The following RSPO2 variants were observed in gnomAD, a reference collection of about 807,000 sequenced individuals.
RSPO2 encodes R-spondin 2, also known as R-spondin-2.
A neutral mutation model predicts 30.9 loss-of-function variants in RSPO2; 14 were observed. That is an observed-to-expected ratio of 0.45 (90% CI 0.30 to 0.71). The LOEUF is 0.71. Among genes scored for constraint, RSPO2 ranks in the 30% least tolerant of loss-of-function variants. The pLI is 0.08. For missense variants in RSPO2, 264 were observed against 301.9 expected, an observed-to-expected ratio of 0.87 and a Z score of 0.93; for synonymous variants, 107 against 96.4, an observed-to-expected ratio of 1.11 and a Z score of -0.64.
At position 107,989,267 on chromosome 8, in the gene RSPO2, G is replaced by A. The variant is rs371386410; in HGVS notation, c.95-23C>T. ...TAGCTGTAAAAGAAAAACAAAAATT[G>A]TGTTTAATTATCAGTATAATCAGAT... is the stretch of plus-strand genomic sequence containing the variant. On this transcript the variant is annotated intron_variant, in intron 2 of 5. Coordinates refer to ENST00000276659, the MANE Select transcript of RSPO2 (RefSeq NM_178565.5). The A allele has an allele frequency of 7.5e-5, 112 of 1,502,372 alleles. No homozygotes were observed. The African/African-American group carries it at 1.1e-3, about 15-fold the overall frequency. 93.1% of individuals were successfully genotyped at this position (1,502,372 alleles called of 1,614,324 possible). A position where few individuals can be genotyped will look rare whatever the true frequency, so the allele number is the denominator to read the frequency against.
intron 5 of RSPO2, among the ~76,000 whole-genome samples, chr8:107,944,551 T>C (rs1198520805): frequency 1.3e-5 from 2 of 152,166 alleles, no homozygotes; most frequent in Non-Finnish European, 2.9e-5. Flanking sequence ...ACCACAGTTC[T>C]TCTATACCAT....
At chr8:108,065,175 A>G (rs1418538587) in intron 2 of RSPO2, among the ~76,000 whole-genome samples, 1 of 151,968 alleles carries the variant, frequency 6.6e-6, no homozygotes, top group East Asian at 1.9e-4. Flanking sequence ...TATAAGTTAA[A>G]AAAAAAAGAG....
At chr8:108,040,700 C>T (rs141976069) in intron 2 of RSPO2, among the ~76,000 whole-genome samples, 211 of 152,198 alleles carry the variant, frequency 1.4e-3, no homozygotes, top group Middle Eastern at 0.014. Flanking sequence ...AGGAAGGGGG[C>T]TGACAAATAC....
intron 2 of RSPO2, among the ~76,000 whole-genome samples, chr8:108,076,288 G>T (rs902596466): frequency 1.3e-5 from 2 of 152,202 alleles, no homozygotes; most frequent in African/African-American, 4.8e-5. Context: ...TATAGAAAAG[G>T]CTGGTGTTTA....
chr8:108,006,294 G>A (rs1303337216), intron 2 of RSPO2, among the ~76,000 whole-genome samples: 4 of 152,006 alleles, frequency 2.6e-5, no homozygotes, highest in African/African-American at 9.7e-5. Flanking sequence ...ATGTACAAAA[G>A]GATATATTCA....
intron 5 of RSPO2, among the ~76,000 whole-genome samples, chr8:107,932,739 G>A (rs1812589021): frequency 6.6e-6 from 1 of 152,042 alleles, no homozygotes; most frequent in African/African-American, 2.4e-5. Context: ...CTGTCATAAA[G>A]AGAAAACAAC....
intron 5 of RSPO2, among the ~76,000 whole-genome samples, chr8:107,937,920 T>C (rs1409667259): frequency 6.6e-6 from 1 of 152,136 alleles, no homozygotes; most frequent in Non-Finnish European, 1.5e-5. Context: ...AATTTGCTCA[T>C]ATACACACAC....
intron 2 of RSPO2, among the ~76,000 whole-genome samples, chr8:108,012,117 A>G (rs1338032178): frequency 6.6e-6 from 1 of 152,220 alleles, no homozygotes; most frequent in Non-Finnish European, 1.5e-5. Context: ...TCCTGCTCAT[A>G]TAAATAATTT....
intron 5 of RSPO2, among the ~76,000 whole-genome samples, chr8:107,905,933 G>A (rs1365627698): frequency 6.6e-6 from 1 of 151,712 alleles, no homozygotes; most frequent in Admixed American, 6.6e-5. Flanking sequence ...ATTCATAAAG[G>A]AAATAAAAAT....
At chr8:107,956,393 A>G (rs1813435230) in intron 5 of RSPO2, among the ~76,000 whole-genome samples, 1 of 152,244 alleles carries the variant, frequency 6.6e-6, no homozygotes, top group Admixed American at 6.5e-5. Context: ...TGGCTTGTCA[A>G]AAAGAGAATA....
intron 5 of RSPO2, among the ~76,000 whole-genome samples, chr8:107,902,744 G>A (rs1811518296): frequency 6.6e-6 from 1 of 152,032 alleles, no homozygotes; most frequent in Non-Finnish European, 1.5e-5. Flanking sequence ...CATTTGCTGA[G>A]CAAATGTTTT....
At chr8:108,036,635 T>G (rs1158412917) in intron 2 of RSPO2, among the ~76,000 whole-genome samples, 1 of 152,230 alleles carries the variant, frequency 6.6e-6, no homozygotes, top group African/African-American at 2.4e-5. Context: ...CTCATTTTCT[T>G]GCATTTCACT....
chr8:107,945,597 G>C (rs497384), intron 5 of RSPO2, among the ~76,000 whole-genome samples: 101,642 of 152,014 alleles, frequency 0.67, 35,893 homozygotes, highest in East Asian at 0.92. Flanking sequence ...CTTTTGCTAC[G>C]TAACACATGC....
intron 2 of RSPO2, among the ~76,000 whole-genome samples, chr8:107,998,256 T>C (rs1342963080): frequency 2.0e-5 from 3 of 151,698 alleles, no homozygotes; most frequent in African/African-American, 7.3e-5. Flanking sequence ...AACCCAACTC[T>C]GGCACCAATA....
In RSPO2 at chr8:108,042,521, T is replaced by C. The variant is rs79882730; in HGVS notation, c.94+40024A>G. 3.5e-3 allele frequency among the ~76,000 whole-genome samples: 532 copies of C among 152,222 alleles called. 4 individuals are homozygous for C. Among genetic ancestry groups the C allele is most frequent in the African/African-American group, 0.012 (504 of 41,548 alleles). ...AAGTCTCATTACAGCTCAATACCCG[T>C]GCCGTGCTCATTAACTGCCAAGTTA... On this transcript the variant is annotated intron_variant, in intron 2 of 5. Transcript: ENST00000276659.
At chr8:107,942,670 G>T (rs867475919) in intron 5 of RSPO2, among the ~76,000 whole-genome samples, 8 of 152,132 alleles carry the variant, frequency 5.3e-5, no homozygotes, top group Middle Eastern at 6.8e-3. Flanking sequence ...TTTTTTTCTG[G>T]TCAATAGGAA....
At chr8:108,061,586 G>C (rs1812466715) in intron 2 of RSPO2, among the ~76,000 whole-genome samples, 3 of 151,602 alleles carry the variant, frequency 2.0e-5, no homozygotes. Flanking sequence ...AATAATAATG[G>C]GAGACTTTAA....
intron 5 of RSPO2, among the ~76,000 whole-genome samples, chr8:107,939,791 G>C (rs926415413): frequency 3.9e-5 from 6 of 151,902 alleles, no homozygotes; most frequent in Non-Finnish European, 1.5e-5. Flanking sequence ...CTACTAGCTT[G>C]GTAATTTTAA....
intron 5 of RSPO2, among the ~76,000 whole-genome samples, chr8:107,911,900 G>T (rs533818078): frequency 6.6e-6 from 1 of 152,212 alleles, no homozygotes; most frequent in Admixed American, 6.5e-5. Context: ...ATACTAGGCT[G>T]GAGAAGGGCA....
Sources: gnomAD v4.1 joint callset for allele counts (sites outside exome capture counted in the v4.1 genomes callset) on GRCh38, gnomAD v4.1.1 for gene constraint, MANE v1.5 for transcripts, NCBI Gene and HGNC (gene_info 2026-07-23, HGNC 2026-07-21) for gene names.